The following ERC1 variants were observed in gnomAD, a reference collection of about 807,000 sequenced individuals.
ERC1 encodes ELKS/RAB6-interacting/CAST family member 1.
A neutral mutation model predicts 132.0 loss-of-function variants in ERC1; 56 were observed. The ratio of observed to expected loss-of-function variants is 0.42; its 90% CI spans 0.34 to 0.53. The LOEUF is 0.53. ERC1 is among the 20% of genes least tolerant of loss of function. The probability of loss-of-function intolerance (pLI) is 0.03; values close to 1 mark genes in which losing one functional copy is unlikely to be tolerated. For missense variants in ERC1, 1,202 were observed against 1,349.9 expected, an observed-to-expected ratio of 0.89 and a Z score of 1.72; for synonymous variants, 478 against 476.1, an observed-to-expected ratio of 1.00 and a Z score of -0.05.
At chr12:1,112,092 G>T in intron 5 of ERC1, 123 bp from the exon 6 acceptor site, 1 of 657,586 alleles carries the variant, frequency 1.5e-6, no homozygotes, top group Non-Finnish European at 2.7e-6. Flanking sequence ...GGGAATGAGG[G>T]GAACAGATTT....
intron 12 of ERC1, among the ~76,000 whole-genome samples, chr12:1,208,971 T>TC (rs2154289428): frequency 7.2e-6 from 1 of 138,440 alleles, no homozygotes; most frequent in East Asian, 2.1e-4. Context: ...TTTTTTTTTT[T>TC]TTTTTTTTTT....
At chr12:1,138,101 TATA>T (rs1352948269) in intron 7 of ERC1, among the ~76,000 whole-genome samples, 1 of 91,644 alleles carries the variant, frequency 1.1e-5, no homozygotes, top group Non-Finnish European at 2.1e-5. Flanking sequence ...TAATCCATAT[TATA>T]ATATAATTAT....
At chr12:1,264,114 A>G (rs1055259279) in intron 14 of ERC1, among the ~76,000 whole-genome samples, 5 of 152,262 alleles carry the variant, frequency 3.3e-5, no homozygotes, top group African/African-American at 1.2e-4. Flanking sequence ...TAAGGTTAAC[A>G]GTGAGTATGA....
intron 16 of ERC1, among the ~76,000 whole-genome samples, chr12:1,372,582 A>G (rs143756375): frequency 2.0e-5 from 3 of 152,378 alleles, no homozygotes; most frequent in East Asian, 3.9e-4. Flanking sequence ...TATGTTAGAC[A>G]TATTTTACCA....
intron 15 of ERC1, among the ~76,000 whole-genome samples, chr12:1,368,065 A>ATAT (rs1426112218): frequency 6.6e-6 from 1 of 150,386 alleles, no homozygotes; most frequent in East Asian, 1.9e-4. Context: ...TGGCATACAT[A>ATAT]TATTACCGTT....
chr12:1,177,153 C>CT (rs1320891218), intron 8 of ERC1, among the ~76,000 whole-genome samples: 1 of 152,162 alleles, frequency 6.6e-6, no homozygotes, highest in Admixed American at 6.5e-5. Context: ...TAGGCTTTGG[C>CT]TTGAGGCATG....
At chr12:1,153,813 A>C (rs1395642860) in intron 8 of ERC1, among the ~76,000 whole-genome samples, 1 of 152,176 alleles carries the variant, frequency 6.6e-6, no homozygotes, top group African/African-American at 2.4e-5. Flanking sequence ...CTACATAATC[A>C]CAGGCCCCAG....
intron 13 of ERC1, among the ~76,000 whole-genome samples, chr12:1,251,916 T>C (rs1463592172): frequency 2.0e-5 from 3 of 152,196 alleles, no homozygotes; most frequent in Non-Finnish European, 2.9e-5. Flanking sequence ...TCCTTTCCTT[T>C]GTGTTGTGTG....
At chr12:1,226,268 A>G (rs1442919781) in intron 12 of ERC1, among the ~76,000 whole-genome samples, 1 of 152,210 alleles carries the variant, frequency 6.6e-6, no homozygotes, top group Non-Finnish European at 1.5e-5. Flanking sequence ...ATCTTGAATA[A>G]TTTTTCCCAG....
chr12:1,222,936 T>A (rs1178420363), intron 12 of ERC1, among the ~76,000 whole-genome samples: 1 of 152,226 alleles, frequency 6.6e-6, no homozygotes, highest in African/African-American at 2.4e-5. Context: ...ATATTTATTT[T>A]TTAGTAATTC....
intron 18 of ERC1, among the ~76,000 whole-genome samples, chr12:1,466,333 C>A (rs1176165112): frequency 6.6e-6 from 1 of 152,118 alleles, no homozygotes; most frequent in East Asian, 1.9e-4. Flanking sequence ...TACAAAGATA[C>A]CAGTCATACT....
chr12:1,436,161 C>T lies in ERC1; in HGVS notation c.3025-8401C>T, dbSNP rs868565022. ...TTCCATGTACAGACAGACGGACACACACACACACACACACACACACGTGCA... is the reference window on the plus strand; with the variant it reads ...TTCCATGTACAGACAGACGGACACATACACACACACACACACACACGTGCA... On this transcript the variant is annotated intron_variant, in intron 17 of 18. Transcript: ENST00000360905. Among the ~76,000 whole-genome samples, 792 of 151,966 alleles carry T rather than the reference C, an allele frequency of 5.2e-3. 5 individuals are homozygous for T. The highest frequency in any genetic ancestry group is 0.018 in the African/African-American group (750 of 41,334).
intron 17 of ERC1, among the ~76,000 whole-genome samples, chr12:1,425,310 A>G (rs529858787): frequency 6.6e-6 from 1 of 152,342 alleles, no homozygotes; most frequent in South Asian, 2.1e-4. Flanking sequence ...TTGTGGGGAC[A>G]GGAATATTTT....
intron 7 of ERC1, among the ~76,000 whole-genome samples, chr12:1,122,479 C>CTGTA (rs1947572285): frequency 1.7e-5 from 1 of 58,604 alleles, no homozygotes; most frequent in South Asian, 4.7e-4. Flanking sequence ...ATCTGTGTCT[C>CTGTA]TATCTCTATC....
chr12:1,242,976 A>G (rs997986037), intron 13 of ERC1, among the ~76,000 whole-genome samples: 2 of 151,926 alleles, frequency 1.3e-5, no homozygotes, highest in African/African-American at 4.8e-5. Flanking sequence ...TCATGAGGTC[A>G]GGAGATCGAG....
chr12:1,329,029 C>T (rs2082675776), intron 15 of ERC1, among the ~76,000 whole-genome samples: 1 of 143,960 alleles, frequency 6.9e-6, no homozygotes, highest in Admixed American at 6.9e-5. Context: ...CACGGTGGCT[C>T]ACGCCTGTAA....
chr12:1,152,256 T>C (rs1280675612), intron 8 of ERC1: 3 of 150,938 alleles, frequency 2.0e-5, no homozygotes, highest in Non-Finnish European at 4.4e-5. Context: ...TATGGTGGTA[T>C]CTTGGCTGGC....
chr12:1,444,949 G>T (rs113484937), intron 18 of ERC1, 199 bp downstream of exon 18: 7,239 of 413,958 alleles, frequency 0.017, 503 homozygotes, highest in African/African-American at 0.14. Context: ...TCAAGATTTG[G>T]GGGGTGGGGA....
chr12:1,344,881 G>A (rs1432243194), intron 15 of ERC1, among the ~76,000 whole-genome samples: 2 of 152,148 alleles, frequency 1.3e-5, no homozygotes, highest in East Asian at 3.9e-4. Flanking sequence ...GCACTGTCCA[G>A]CTCCAGAACA....
Sources: allele counts gnomAD v4.1 joint callset (sites outside exome capture counted in the v4.1 genomes callset), GRCh38; gene constraint gnomAD v4.1.1; transcripts MANE v1.5; gene names NCBI Gene and HGNC (gene_info 2026-07-23, HGNC 2026-07-21).